The following MPP7 variants were observed in gnomAD, a reference collection of about 807,000 sequenced individuals.
MPP7 encodes the protein MAGUK p55 subfamily member 7.
In MPP7, 60 loss-of-function variants were observed where a neutral mutation model predicts 76.5. The observed-to-expected ratio is 0.78, with a 90% CI of 0.64 to 0.97. MPP7 has a LOEUF of 0.97. MPP7 is among the 50% of genes least tolerant of loss of function. MPP7 has a pLI of 0.00. For synonymous variants in MPP7, 237 were observed against 244.5 expected (o/e 0.97, Z 0.29); for missense variants, 641 against 694.0 (o/e 0.92, Z 0.86).
intron 5 of MPP7, 115 bp from the exon 6 acceptor site, chr10:28,131,806 G>A (rs771019553): frequency 1.2e-5 from 5 of 413,992 alleles, no homozygotes; most frequent in African/African-American, 4.3e-5. Flanking sequence ...ACAGTGTTAC[G>A]GTTTTGACAT....
chr10:28,320,092 T>A (rs1294572418), intron 2 of MPP7, among the ~76,000 whole-genome samples: 2 of 152,120 alleles, frequency 1.3e-5, no homozygotes, highest in African/African-American at 4.8e-5. Flanking sequence ...GCACTGAATG[T>A]CTCTATGTAA....
At chr10:28,091,557 G>T (rs112342093) in intron 11 of MPP7, among the ~76,000 whole-genome samples, 2,589 of 152,094 alleles carry the variant, frequency 0.017, 71 homozygotes, top group African/African-American at 0.057. Context: ...CAAAGTGCTG[G>T]GATTACAGGC....
chr10:28,071,153 C>A (rs1216553354), intron 12 of MPP7, among the ~76,000 whole-genome samples: 4 of 152,250 alleles, frequency 2.6e-5, no homozygotes, highest in African/African-American at 9.6e-5. Context: ...TGCACAGTGG[C>A]TAGCACAGTG....
intron 1 of MPP7, among the ~76,000 whole-genome samples, chr10:28,253,580 G>C (rs951787227): frequency 6.6e-6 from 1 of 152,162 alleles, no homozygotes; most frequent in African/African-American, 2.4e-5. Context: ...TTTCCTTATA[G>C]TTGATAGGTC....
At position 28,085,952 on chromosome 10, in the gene MPP7, T is replaced by C. The variant is rs571222271; in HGVS notation, c.1123+3719A>G. 3.9e-5 allele frequency among the ~76,000 whole-genome samples: 6 copies of C among 152,278 alleles called. No homozygotes were observed. In the East Asian group the frequency reaches 1.2e-3, roughly 29 times the overall value. On this transcript the variant is annotated intron_variant, in intron 12 of 16. Coordinates refer to ENST00000683449, the MANE Select transcript of MPP7 (RefSeq NM_001318170.2). The stretch of plus-strand genomic sequence containing the variant: ...GGCACATATACACCATGGAATACTA[T>C]GCAGCCATAAAAAAGGATGAGTTCA...
intron 12 of MPP7, among the ~76,000 whole-genome samples, chr10:28,070,375 G>GGTGACA (rs1488784160): frequency 6.6e-6 from 1 of 152,092 alleles, no homozygotes; most frequent in Non-Finnish European, 1.5e-5. Context: ...CTCCAGCCTG[G>GGTGACA]GTGACAGAGT....
At chr10:28,193,714 A>G (rs779450215) in intron 3 of MPP7, among the ~76,000 whole-genome samples, 1 of 152,196 alleles carries the variant, frequency 6.6e-6, no homozygotes, top group Non-Finnish European at 1.5e-5. Flanking sequence ...GTTAAAGCTC[A>G]ACAACAGGAA....
At chr10:28,138,869 T>C (rs985767479) in intron 5 of MPP7, among the ~76,000 whole-genome samples, 27 of 152,230 alleles carry the variant, frequency 1.8e-4, no homozygotes, top group African/African-American at 6.5e-4. Context: ...AAACATTTAA[T>C]AATTTACATT....
At chr10:28,227,063 T>C (rs1838716706) in intron 2 of MPP7, among the ~76,000 whole-genome samples, 1 of 152,232 alleles carries the variant, frequency 6.6e-6, no homozygotes, top group South Asian at 2.1e-4. Flanking sequence ...TGATTTTCTT[T>C]AGTTTATCAC....
chr10:28,163,405 C>T lies in MPP7; in HGVS notation c.157-13346G>A, dbSNP rs186683290. ...ATCCCATCTTACTATCTTACCTATT[C>T]ACCCTTACTATTGCTTTCACAGCAC... On this transcript the variant is annotated intron_variant, in intron 3 of 16. Transcript: ENST00000683449. Among the ~76,000 whole-genome samples, 10 of 152,272 alleles carry T rather than the reference C, an allele frequency of 6.6e-5. No individual in the cohort carries two copies. The East Asian group carries it at 1.9e-3, about 29-fold the overall frequency.
chr10:28,104,126 G>C (rs1853962966), intron 11 of MPP7, among the ~76,000 whole-genome samples: 2 of 151,986 alleles, frequency 1.3e-5, no homozygotes, highest in South Asian at 4.2e-4. Context: ...TCACAGATTT[G>C]GCTAGGTGAA....
intron 2 of MPP7, among the ~76,000 whole-genome samples, chr10:28,208,875 T>C (rs1564702806): frequency 2.0e-5 from 3 of 152,138 alleles, no homozygotes. Flanking sequence ...TCATGTTGAA[T>C]TGTAATCCCA....
chr10:28,065,724 T>G (rs11006827), intron 13 of MPP7, among the ~76,000 whole-genome samples: 20,645 of 152,156 alleles, frequency 0.14, 2,316 homozygotes, highest in East Asian at 0.62. Context: ...TAATGCCTTT[T>G]TTTTATTTTT....
chr10:28,057,694 T>C, intron 15 of MPP7: 11 of 1,251,018 alleles, frequency 8.8e-6, no homozygotes, highest in Non-Finnish European at 1.1e-5. Context: ...ACTAACACAG[T>C]GCCCAAGTCA....
intron 1 of MPP7, among the ~76,000 whole-genome samples, chr10:28,280,830 T>C (rs1332924235): frequency 6.6e-6 from 1 of 151,968 alleles, no homozygotes; most frequent in African/African-American, 2.4e-5. Flanking sequence ...AACTGTCCCA[T>C]GAGAGACAAA....
chr10:28,265,588 A>G (rs1018911398), intron 1 of MPP7, among the ~76,000 whole-genome samples: 3 of 152,148 alleles, frequency 2.0e-5, no homozygotes, highest in African/African-American at 7.2e-5. Context: ...ATGCCTTTAC[A>G]TCTTAAAAAA....
At chr10:28,198,028 A>T (rs189419722) in intron 3 of MPP7, among the ~76,000 whole-genome samples, 2 of 152,332 alleles carry the variant, frequency 1.3e-5, no homozygotes, top group Admixed American at 1.3e-4. Context: ...ATTCAATCAT[A>T]TGAGGAAAAT....
At chr10:28,196,559 C>G (rs1837589446) in intron 3 of MPP7, among the ~76,000 whole-genome samples, 1 of 151,316 alleles carries the variant, frequency 6.6e-6, no homozygotes, top group South Asian at 2.1e-4. Context: ...ATAACCAAAA[C>G]TAAAATTACC....
At chr10:28,254,004 G>GAAAAAAA (rs199511617) in intron 1 of MPP7, among the ~76,000 whole-genome samples, 85 of 92,330 alleles carry the variant, frequency 9.2e-4, no homozygotes, top group Non-Finnish European at 1.2e-3. Flanking sequence ...TCACAAAAAA[G>GAAAAAAA]AAAAAAAAAA....
Sources: allele counts gnomAD v4.1 joint callset (sites outside exome capture counted in the v4.1 genomes callset), GRCh38; gene constraint gnomAD v4.1.1; transcripts MANE v1.5; gene names NCBI Gene and HGNC (gene_info 2026-07-23, HGNC 2026-07-21).